The following PTPRD variants were observed in gnomAD, a reference collection of about 807,000 sequenced individuals.
PTPRD encodes receptor-type tyrosine-protein phosphatase delta.
Under a neutral mutation model 214.5 loss-of-function variants are expected in PTPRD, and 34 were observed. The ratio of observed to expected loss-of-function variants is 0.16; its 90% CI spans 0.12 to 0.21. PTPRD has a LOEUF of 0.21. Ranked by LOEUF, PTPRD falls within the 10% of genes least tolerant of loss-of-function variation. PTPRD has a pLI of 1.00. For synonymous variants in PTPRD, 1,128 were observed against 845.7 expected (o/e 1.33, Z -5.79); for missense variants, 2,545 against 2,398.7 (o/e 1.06, Z -1.27).
intron 14 of PTPRD, among the ~76,000 whole-genome samples, chr9:8,624,560 G>A (rs1056730116): frequency 3.3e-5 from 5 of 151,750 alleles, no homozygotes; most frequent in African/African-American, 1.2e-4. Context: ...GATAATAAAG[G>A]GAGAAGGAAG....
intron 11 of PTPRD, among the ~76,000 whole-genome samples, chr9:8,799,900 G>A (rs2096537193): frequency 1.3e-5 from 2 of 151,898 alleles, no homozygotes; most frequent in South Asian, 4.2e-4. Context: ...ATCCAGGGCA[G>A]ATTTTCCCAG....
At chr9:9,997,538 C>T (rs367822202) in intron 4 of PTPRD, among the ~76,000 whole-genome samples, 1 of 152,154 alleles carries the variant, frequency 6.6e-6, no homozygotes, top group Non-Finnish European at 1.5e-5. Flanking sequence ...GTCTGCCCAC[C>T]TCAGCCTCCC....
intron 9 of PTPRD, among the ~76,000 whole-genome samples, chr9:9,312,653 C>G (rs1316144345): frequency 2.0e-5 from 3 of 152,008 alleles, no homozygotes; most frequent in Non-Finnish European, 2.9e-5. Context: ...TCATTTTGTC[C>G]CAGGTGGGTT....
intron 11 of PTPRD, among the ~76,000 whole-genome samples, chr9:8,935,037 ATG>A (rs2098987466): frequency 6.6e-6 from 1 of 152,140 alleles, no homozygotes; most frequent in African/African-American, 2.4e-5. Flanking sequence ...AGAGAGATAT[ATG>A]TATCACATTT....
chr9:10,352,057 T>A (rs1366975011), intron 2 of PTPRD, among the ~76,000 whole-genome samples: 1 of 152,010 alleles, frequency 6.6e-6, no homozygotes, highest in Non-Finnish European at 1.5e-5. Flanking sequence ...GAGAACTGAA[T>A]AAAGTGGCTT....
chr9:9,542,154 C>A (rs773340051), intron 8 of PTPRD, among the ~76,000 whole-genome samples: 1 of 151,600 alleles, frequency 6.6e-6, no homozygotes, highest in Non-Finnish European at 1.5e-5. Context: ...GAGAAGAACA[C>A]AATCTACTGC....
intron 8 of PTPRD, among the ~76,000 whole-genome samples, chr9:9,501,158 A>G (rs1285684272): frequency 1.3e-5 from 2 of 152,072 alleles, no homozygotes; most frequent in Non-Finnish European, 2.9e-5. Flanking sequence ...AATAATATGA[A>G]TAATTACTTG....
At chr9:8,575,532 C>T (rs145367508) in intron 14 of PTPRD, among the ~76,000 whole-genome samples, 1 of 152,104 alleles carries the variant, frequency 6.6e-6, no homozygotes, top group Non-Finnish European at 1.5e-5. Flanking sequence ...TGTGACCTCC[C>T]TCACCCTATG....
At chr9:8,576,658 T>A (rs901277524) in intron 14 of PTPRD, among the ~76,000 whole-genome samples, 1 of 147,156 alleles carries the variant, frequency 6.8e-6, no homozygotes, top group African/African-American at 2.5e-5. Flanking sequence ...AAATCCATAT[T>A]TGCATATCCG....
At chr9:10,266,006 T>C (rs1043109903) in intron 3 of PTPRD, among the ~76,000 whole-genome samples, 1 of 152,212 alleles carries the variant, frequency 6.6e-6, no homozygotes, top group Non-Finnish European at 1.5e-5. Context: ...ACTTTGAATA[T>C]ATTACTAAAC....
chr9:8,846,414 C>A (rs1047598213), intron 11 of PTPRD, among the ~76,000 whole-genome samples: 3 of 152,008 alleles, frequency 2.0e-5, no homozygotes, highest in Non-Finnish European at 4.4e-5. Context: ...ACATTGGCTT[C>A]CAGGTACTCC....
intron 8 of PTPRD, among the ~76,000 whole-genome samples, chr9:9,494,675 G>A (rs1049795376): frequency 1.3e-5 from 2 of 152,200 alleles, no homozygotes; most frequent in Non-Finnish European, 2.9e-5. Context: ...TTTTCAGAAA[G>A]AAATAGAAAT....
intron 11 of PTPRD, among the ~76,000 whole-genome samples, chr9:9,009,314 G>C (rs575758584): frequency 2.4e-4 from 37 of 152,180 alleles, no homozygotes; most frequent in African/African-American, 8.4e-4. Flanking sequence ...AGAAAGGCTA[G>C]ACTTAACCCC....
chr9:9,376,229 A>G (rs1328500238), intron 9 of PTPRD, among the ~76,000 whole-genome samples: 1 of 152,144 alleles, frequency 6.6e-6, no homozygotes, highest in Non-Finnish European at 1.5e-5. Flanking sequence ...TATAATCTAT[A>G]TGTATAGGAT....
intron 2 of PTPRD, among the ~76,000 whole-genome samples, chr9:10,518,160 T>C (rs1432362291): frequency 6.6e-6 from 1 of 152,188 alleles, no homozygotes; most frequent in Non-Finnish European, 1.5e-5. Context: ...ACTGATCACC[T>C]GACAAATAAT....
chr9:8,524,159 C>T (rs1392851543), intron 18 of PTPRD, among the ~76,000 whole-genome samples: 1 of 152,102 alleles, frequency 6.6e-6, no homozygotes, highest in Non-Finnish European at 1.5e-5. Context: ...AAAGGCATAG[C>T]CATTCATAAG....
intron 35 of PTPRD, among the ~76,000 whole-genome samples, chr9:8,430,259 A>G (rs983331979): frequency 2.7e-5 from 4 of 150,378 alleles, no homozygotes; most frequent in African/African-American, 4.9e-5. Context: ...ATGCCCATTA[A>G]TTTTTTTTAT....
chr9:8,938,559 A>G (rs2099012406), intron 11 of PTPRD, among the ~76,000 whole-genome samples: 1 of 152,068 alleles, frequency 6.6e-6, no homozygotes, highest in African/African-American at 2.4e-5. Context: ...TAGCACATAG[A>G]GTATTTAGGT....
intron 10 of PTPRD, among the ~76,000 whole-genome samples, chr9:9,155,988 C>T (rs1379108744): frequency 6.6e-6 from 1 of 152,112 alleles, no homozygotes; most frequent in African/African-American, 2.4e-5. Context: ...GTAACTTGGT[C>T]ATTCTTACTA....
Sources: gnomAD v4.1 joint callset for allele counts (sites outside exome capture counted in the v4.1 genomes callset) on GRCh38, gnomAD v4.1.1 for gene constraint, MANE v1.5 for transcripts, NCBI Gene and HGNC (gene_info 2026-07-23, HGNC 2026-07-21) for gene names.